The following DDB1 variants were observed in gnomAD, a reference collection of about 807,000 sequenced individuals.
DDB1 encodes damage specific DNA binding protein 1, also known as DNA damage-binding protein 1.
DDB1 carries 18 observed loss-of-function variants against 133.1 expected under a neutral mutation model. The ratio of observed to expected loss-of-function variants is 0.14; its 90% CI spans 0.09 to 0.20. The LOEUF (loss-of-function observed/expected upper bound fraction) is 0.20. Ranked by LOEUF, DDB1 falls within the 10% of genes least tolerant of loss-of-function variation. The pLI is 1.00. For missense variants in DDB1, 828 were observed against 1,459.2 expected (o/e 0.57, Z 7.05); for synonymous variants, 580 against 550.5 (o/e 1.05, Z -0.75).
intron 10 of DDB1, chr11:61,321,384 C>A: frequency 2.1e-6 from 1 of 469,742 alleles, no homozygotes. Flanking sequence ...ATTCCACTAC[C>A]AATTTTGATC....
intron 20 of DDB1, among the ~76,000 whole-genome samples, 167 bp from the exon 21 acceptor site, chr11:61,309,244 G>T (rs145414957): frequency 2.0e-5 from 3 of 152,150 alleles, no homozygotes; most frequent in African/African-American, 4.8e-5. Context: ...CGTGAAGTAT[G>T]AGCCCCAAGA....
In DDB1 at chr11:61,316,919, C is replaced by CAA. The variant is rs58795761; in HGVS notation, c.1226-354_1226-353dup. Among the ~76,000 whole-genome samples, 133 of 21,710 alleles carry CAA rather than the reference C, an allele frequency of 6.1e-3. 11 individuals carry two copies. The highest frequency in any genetic ancestry group is 0.017 in the African/African-American group (124 of 7,206). The allele number at this position is 21,710 out of a possible 152,430, so 14.2% of individuals were successfully genotyped here. ...TGGGTGACACAGCAAGATCCTGTCT[C>CAA]AAAAAAAAAAAAAAAAAAAAAGGAT... is the stretch of plus-strand genomic sequence containing the variant. On this transcript the variant is annotated intron_variant, in intron 10 of 26. Coordinates refer to ENST00000301764, the MANE Select transcript of DDB1 (RefSeq NM_001923.5).
chr11:61,323,956 G>C (rs1454898519), intron 7 of DDB1, 23 bp downstream of exon 7: 1 of 1,613,786 alleles, frequency 6.2e-7, no homozygotes, highest in Non-Finnish European at 8.5e-7. Flanking sequence ...ACATTGTAGA[G>C]GAACAGGGAG....
rs1300174583 is a variant in DDB1 at position 61,326,906 on chromosome 11, G to A, written c.550-13C>T. 2 of 1,601,676 alleles carry A rather than the reference G, an allele frequency of 1.2e-6. No individual in the cohort carries two copies. The highest frequency in any genetic ancestry group is 1.7e-6 in the Non-Finnish European group (2 of 1,168,786). On this transcript the variant is annotated splice_polypyrimidine_tract_variant and intron_variant, in intron 4 of 26. Transcript: ENST00000301764. ...GCCCCTGAGGGTCCTGGGGGGGAAA[G>A]GTAAAATGGTTAGCCCTTAGGAAGG...
chr11:61,303,014 C>T (rs1855826354), intron 23 of DDB1, 32 bp downstream of exon 23: 2 of 1,591,672 alleles, frequency 1.3e-6, no homozygotes, highest in Non-Finnish European at 1.7e-6. Context: ...TCCCAGCCCT[C>T]CCCACCACTC....
chr11:61,308,043 G>A (rs189402229), intron 21 of DDB1, among the ~76,000 whole-genome samples: 17 of 152,240 alleles, frequency 1.1e-4, no homozygotes, highest in African/African-American at 3.4e-4. Context: ...TTCCAGAGAA[G>A]CAACATGACC....
intron 4 of DDB1, 117 bp downstream of exon 4, chr11:61,329,246 G>C: frequency 1.1e-6 from 1 of 950,380 alleles, no homozygotes; most frequent in Admixed American, 1.8e-5. Flanking sequence ...AAACATTTCA[G>C]GACAAACACA....
chr11:61,325,826 A>G (rs766305218), intron 5 of DDB1, 118 bp from the exon 6 acceptor site: 4 of 766,150 alleles, frequency 5.2e-6, no homozygotes, highest in East Asian at 5.3e-5. Flanking sequence ...ATTATTTTAA[A>G]AAGGACATCA....
At chr11:61,310,446 C>T (rs1855945609) in intron 18 of DDB1, 28 bp from the exon 19 acceptor site, 1 of 1,576,782 alleles carries the variant, frequency 6.3e-7, no homozygotes, top group Admixed American at 1.8e-5. Context: ...GCACATCATC[C>T]TTCTCAAACA....
rs1372769116 is a variant in DDB1, at chr11:61,299,778, C to T, written c.*358G>A. 4 of 339,710 alleles carry T rather than the reference C, an allele frequency of 1.2e-5. No individual in the cohort carries two copies. In the East Asian group the frequency reaches 2.7e-4, roughly 23 times the overall value. The allele number at this position is 339,710 out of a possible 1,614,324, so 21.0% of individuals were successfully genotyped here. A position where few individuals can be genotyped will look rare whatever the true frequency, so the allele number is the denominator to read the frequency against. ...GAGGACAATGCATGAGTGTGAGATA[C>T]ACATACACACACACACATACACACA... is the stretch of plus-strand genomic sequence containing the variant. On this transcript the variant is annotated 3_prime_UTR_variant, in exon 27 of 27. Coordinates refer to ENST00000301764, the MANE Select transcript of DDB1 (RefSeq NM_001923.5).
At chr11:61,304,094 C>T (rs1855845180) in intron 21 of DDB1, 59 bp from the exon 22 acceptor site, 1 of 1,594,382 alleles carries the variant, frequency 6.3e-7, no homozygotes, top group Admixed American at 1.7e-5. Context: ...GAATGACTCC[C>T]CCCAACTCTT....
intron 26 of DDB1, 80 bp downstream of exon 26, chr11:61,300,729 G>C: frequency 6.4e-7 from 1 of 1,574,462 alleles, no homozygotes; most frequent in South Asian, 1.2e-5. Flanking sequence ...GAGGAGGAGA[G>C]GTGCCCAGAG....
intron 12 of DDB1, chr11:61,315,979 T>C (rs1270250745): frequency 4.3e-6 from 1 of 229,964 alleles, no homozygotes; most frequent in African/African-American, 2.3e-5. Context: ...TCGGAAGATA[T>C]AATTAGTGCT....
intron 10 of DDB1, 50 bp from the exon 11 acceptor site, chr11:61,316,617 C>T (rs1201568450): frequency 6.3e-7 from 1 of 1,591,694 alleles, no homozygotes; most frequent in East Asian, 2.2e-5. Context: ...CAACACTTAG[C>T]ATGCATATCT....
chr11:61,312,585 C>A (rs1445815165), intron 16 of DDB1, among the ~76,000 whole-genome samples: 2 of 149,026 alleles, frequency 1.3e-5, no homozygotes, highest in African/African-American at 5.0e-5. Flanking sequence ...TCTAAGCTCA[C>A]TGCAACCTCC....
intron 4 of DDB1, among the ~76,000 whole-genome samples, chr11:61,328,548 A>G (rs1211863830): frequency 2.6e-5 from 4 of 152,198 alleles, no homozygotes; most frequent in Non-Finnish European, 4.4e-5. Flanking sequence ...CAGCTCTGCT[A>G]CAGTTTTAGG....
intron 1 of DDB1, 131 bp from the exon 2 acceptor site, chr11:61,331,822 A>T: frequency 7.8e-7 from 1 of 1,286,036 alleles, no homozygotes; most frequent in Non-Finnish European, 1.1e-6. Context: ...AACTCCCTCC[A>T]GCTACTCCCC....
intron 21 of DDB1, among the ~76,000 whole-genome samples, chr11:61,305,562 G>T (rs1855870515): frequency 6.6e-6 from 1 of 152,042 alleles, no homozygotes. Flanking sequence ...CAGGGTAAAA[G>T]GTACCTCCAG....
intron 19 of DDB1, 125 bp downstream of exon 19, chr11:61,310,170 A>G: frequency 7.0e-7 from 1 of 1,437,690 alleles, no homozygotes; most frequent in Non-Finnish European, 9.5e-7. Flanking sequence ...CAGAATTCCC[A>G]CCCCTCCTTT....
Sources: gnomAD v4.1 joint callset for allele counts (sites outside exome capture counted in the v4.1 genomes callset) on GRCh38, gnomAD v4.1.1 for gene constraint, MANE v1.5 for transcripts, NCBI Gene and HGNC (gene_info 2026-07-23, HGNC 2026-07-21) for gene names.